Variants in PDE4A observed in about 807,000 individuals in gnomAD.
The protein encoded by PDE4A is phosphodiesterase 4A.
PDE4A carries 21 observed loss-of-function variants against 73.9 expected under a neutral mutation model. The ratio of observed to expected loss-of-function variants is 0.28; its 90% CI spans 0.20 to 0.41. The LOEUF is 0.41. Among genes scored for constraint, PDE4A ranks in the 10% least tolerant of loss-of-function variants. The pLI is 1.00. For missense variants in PDE4A, 958 were observed against 1,211.4 expected (o/e 0.79, Z 3.10); for synonymous variants, 463 against 505.4 (o/e 0.92, Z 1.13).
Position 10,452,101 on chromosome 19 carries a change from C to T in PDE4A, c.783+1160C>T, listed in dbSNP as rs980836307. Among the ~76,000 whole-genome samples, 6 of 145,330 alleles carry T rather than the reference C, an allele frequency of 4.1e-5. No individual in the cohort carries two copies. The South Asian group carries it at 6.6e-4, about 16-fold the overall frequency. The stretch of plus-strand genomic sequence containing the variant: ...TGAGTATATTTCCTTATGGATTTGT[C>T]GGGATATGTTTGTGTCCAAGGGCAG... On this transcript the variant is annotated intron_variant, in intron 6 of 14. Transcript: ENST00000380702.
rs201364704 is a variant in PDE4A at position 10,453,033 on chromosome 19, C to A, written c.784-1796C>A. 1 of 1,337,490 alleles carries A rather than the reference C, an allele frequency of 7.5e-7. No individual in the cohort carries two copies. Among genetic ancestry groups the A allele is most frequent in the South Asian group, 1.8e-5 (1 of 55,134 alleles). 82.9% of individuals were successfully genotyped at this position (1,337,490 alleles called of 1,614,324 possible). ...ACCCCCCACCGCCTCCACCCACTGC[C>A]GCGGGGGGGCCCGTTGGGGCCCAGG... On this transcript the variant is annotated intron_variant, in intron 6 of 14. Transcript: ENST00000380702. The surrounding 1 kb of genome is among the most constrained non-coding windows in gnomAD (Gnocchi z 4.6).
rs1018708645 is a variant in PDE4A, at chr19:10,468,670, T to G, written c.*1049T>G. 6.6e-6 allele frequency: 1 copy of G among 150,494 alleles called. No individual in the cohort carries two copies. Among genetic ancestry groups the G allele is most frequent in the Non-Finnish European group, 1.5e-5 (1 of 67,596 alleles). 9.3% of individuals were successfully genotyped at this position (150,494 alleles called of 1,614,324 possible). On this transcript the variant is annotated 3_prime_UTR_variant, in exon 15 of 15. Coordinates refer to ENST00000380702, the MANE Select transcript of PDE4A (RefSeq NM_001111307.2). ...CCTCCGGACCCCACCTTCCACACTC[T>G]GATCACAGCCCCCCTACCTTTTGCC... is the stretch of plus-strand genomic sequence containing the variant.
At chr19:10,417,164 C>G, upstream of PDE4A, 1 of 982,880 alleles carries the variant, frequency 1.0e-6, no homozygotes, top group Non-Finnish European at 1.2e-6. Flanking sequence ...CTCCTGCTGC[C>G]CTAAGAGGCT....
chr19:10,456,881 G>T (rs904680639), intron 7 of PDE4A, among the ~76,000 whole-genome samples: 1 of 151,976 alleles, frequency 6.6e-6, no homozygotes, highest in Non-Finnish European at 1.5e-5. Context: ...CCCCAAATTC[G>T]GGAACCGCCC....
At chr19:10,427,866 G>T in intron 1 of PDE4A, 1 of 985,204 alleles carries the variant, frequency 1.0e-6, no homozygotes, top group Non-Finnish European at 1.2e-6. Context: ...AGGTATAGTG[G>T]CTCATGCCCA....
At chr19:10,430,982 C>G (rs201774770) in intron 1 of PDE4A, 2 of 1,564,436 alleles carry the variant, frequency 1.3e-6, no homozygotes, top group Admixed American at 3.6e-5. Flanking sequence ...GTTCGCCGCC[C>G]TCCTCGCCCG....
chr19:10,461,489 A>C, intron 11 of PDE4A, 37 bp from the exon 12 acceptor site: 1 of 1,608,166 alleles, frequency 6.2e-7, no homozygotes, highest in South Asian at 1.1e-5. Flanking sequence ...GGAGCTGCAC[A>C]CGTGGGCCCT....
At chr19:10,422,865 C>G (rs1296945119) in intron 1 of PDE4A, among the ~76,000 whole-genome samples, 1 of 152,184 alleles carries the variant, frequency 6.6e-6, no homozygotes, top group Non-Finnish European at 1.5e-5. Flanking sequence ...AGGTCACTGT[C>G]CTAAGACACC....
chr19:10,442,724 C>G (rs1009595406), intron 1 of PDE4A, among the ~76,000 whole-genome samples: 1 of 149,712 alleles, frequency 6.7e-6, no homozygotes, highest in African/African-American at 2.4e-5. Context: ...TACCTTATTA[C>G]TATTATTACA....
intron 1 of PDE4A, among the ~76,000 whole-genome samples, chr19:10,435,654 A>C (rs1326585531): frequency 6.6e-6 from 1 of 151,790 alleles, no homozygotes; most frequent in Admixed American, 6.6e-5. Flanking sequence ...GGGTCACTTC[A>C]CCTCCAATGG....
Position 10,421,055 on chromosome 19 carries a change from C to T in PDE4A, c.291C>T (p.Ser97=), listed in dbSNP as rs2042644467. ...PSSFHGTGTG[S]GGAGGGSSRR... The stretch of plus-strand genomic sequence containing the variant: ...CCTTCCATGGCACTGGCACCGGCAG[C>T]GGCGGCGCGGGCGGAGGCAGCAGCA... Residue 97 remains serine, a synonymous_variant, in exon 1 of 15, where the codon AGC becomes AGT. Coordinates refer to ENST00000380702, the MANE Select transcript of PDE4A (RefSeq NM_001111307.2). The T allele has an allele frequency of 7.2e-6, 10 of 1,385,290 alleles. No homozygotes were observed. Among genetic ancestry groups the T allele is most frequent in the South Asian group, 1.6e-5 (1 of 60,988 alleles). 85.8% of individuals were successfully genotyped at this position (1,385,290 alleles called of 1,614,324 possible). A position where few individuals can be genotyped will look rare whatever the true frequency, so the allele number is the denominator to read the frequency against.
rs2043270509 is a variant in PDE4A, at chr19:10,461,540, C to T, written c.1480C>T (p.Leu494Phe). ...FLINTNSELA[L>F]MYNDESVLEN... The stretch of plus-strand genomic sequence containing the variant: ...CTGGGCTGCAGATTCGGAGCTGGCG[C>T]TCATGTACAACGATGAGTCGGTGCT... Residue 494 changes from leucine to phenylalanine, a missense_variant, in exon 12 of 15, where the codon CTC becomes TTC. This residue lies in a region of PDE4A where 570 missense variants were observed against 827.7 expected (regional missense o/e 0.69). Coordinates refer to ENST00000380702, the MANE Select transcript of PDE4A (RefSeq NM_001111307.2). The T allele has an allele frequency of 1.2e-6, 2 of 1,613,978 alleles. No individual in the cohort carries two copies. Among genetic ancestry groups the T allele is most frequent in the African/African-American group, 2.7e-5 (2 of 74,914 alleles).
intron 1 of PDE4A, among the ~76,000 whole-genome samples, chr19:10,436,135 GGT>G (rs1323107779): frequency 6.6e-6 from 1 of 152,112 alleles, no homozygotes; most frequent in Admixed American, 6.6e-5. Flanking sequence ...GGGAGTTGGA[GGT>G]GTGTAGCTAT....
In PDE4A at chr19:10,421,118, G is replaced by C. The variant is rs774636979; in HGVS notation, c.320+34G>C. The C allele has an allele frequency of 8.1e-6, 11 of 1,350,834 alleles. No homozygotes were observed. In the South Asian group the frequency reaches 1.3e-4, roughly 16 times the overall value. 83.7% of individuals were successfully genotyped at this position (1,350,834 alleles called of 1,614,324 possible). On this transcript the variant is annotated intron_variant, in intron 1 of 14. Transcript: ENST00000380702. ...CCCCGCGGCGGATGCGCGCGGAACG[G>C]ATGGGCGCGCAGGGAGGAGGCAACT...
At chr19:10,421,768 C>T (rs2042654822) in intron 1 of PDE4A, among the ~76,000 whole-genome samples, 1 of 152,156 alleles carries the variant, frequency 6.6e-6, no homozygotes, top group Admixed American at 6.5e-5. Context: ...GGAAGGAGTC[C>T]CTGACTGCAG....
At position 10,424,831 on chromosome 19, in the gene PDE4A, G is replaced by A. The variant is rs1045872322; in HGVS notation, c.320+3747G>A. On this transcript the variant is annotated intron_variant, in intron 1 of 14. Transcript: ENST00000380702. The surrounding 1 kb of genome is among the most constrained non-coding windows in gnomAD (Gnocchi z 4.8). The stretch of plus-strand genomic sequence containing the variant: ...CCTCTGCGCGCTTGCCCGGCAGGCC[G>A]GTGAACCCCAGCATCCTTGGCTCTG... Among the ~76,000 whole-genome samples the A allele has an allele frequency of 6.6e-6, 1 of 152,234 alleles. No individual in the cohort carries two copies. The highest frequency in any genetic ancestry group is 6.5e-5 in the Admixed American group (1 of 15,286).
chr19:10,421,294 A>T, intron 1 of PDE4A: 1 of 985,342 alleles, frequency 1.0e-6, no homozygotes, highest in African/African-American at 1.7e-5. Context: ...CCTGGGGTCC[A>T]TTTAGGGGGC....
chr19:10,417,946 C>CCCGATCTCCATGCTCCCTG, upstream of PDE4A: 1 of 1,439,372 alleles, frequency 6.9e-7, no homozygotes, highest in East Asian at 2.5e-5. Context: ...ACCAGCCCTT[C>CCCGATCTCCATGCTCCCTG]CCGATCTCCA....
At position 10,432,187 on chromosome 19, in the gene PDE4A, G is replaced by C. The variant is rs370892954; in HGVS notation, c.320+11103G>C. Among the ~76,000 whole-genome samples the C allele has an allele frequency of 3.8e-4, 54 of 141,822 alleles. 5 individuals are homozygous for C. Among genetic ancestry groups the C allele is most frequent in the Non-Finnish European group, 5.4e-4 (34 of 62,762 alleles). 93.0% of individuals were successfully genotyped at this position (141,822 alleles called of 152,430 possible). A position where few individuals can be genotyped will look rare whatever the true frequency, so the allele number is the denominator to read the frequency against. On this transcript the variant is annotated intron_variant, in intron 1 of 14. Transcript: ENST00000380702. ...TAGGAGGGAGGAGACGGGGGGGGGG[G>C]GGGGAAGTGTGCGTCCGACTCCGCA...
Sources: allele counts gnomAD v4.1 joint callset (sites outside exome capture counted in the v4.1 genomes callset), GRCh38; gene constraint gnomAD v4.1.1; regional missense constraint gnomAD v4.1.1; non-coding constraint Gnocchi (gnomAD v3.1); transcripts MANE v1.5; gene names NCBI Gene and HGNC (gene_info 2026-07-23, HGNC 2026-07-21).